GRIP1: variants seen among roughly 807,000 people sequenced by gnomAD.
The protein encoded by GRIP1 is glutamate receptor-interacting protein 1.
In GRIP1, 45 loss-of-function variants were observed where a neutral mutation model predicts 129.9. The observed-to-expected ratio is 0.35, with a 90% CI of 0.27 to 0.44. The LOEUF (loss-of-function observed/expected upper bound fraction) is 0.44, where lower values mean the gene tolerates loss of function less well. Among genes scored for constraint, GRIP1 ranks in the 20% least tolerant of loss-of-function variants. The probability of loss-of-function intolerance (pLI) is 1.00; values close to 1 mark genes in which losing one functional copy is unlikely to be tolerated. For missense variants in GRIP1, 1,196 were observed against 1,396.8 expected, an observed-to-expected ratio of 0.86 and a Z score of 2.29; for synonymous variants, 530 against 520.8, an observed-to-expected ratio of 1.02 and a Z score of -0.24.
At chr12:66,768,379 CA>C (rs2037711573) in intron 1 of GRIP1, among the ~76,000 whole-genome samples, 1 of 152,232 alleles carries the variant, frequency 6.6e-6, no homozygotes, top group South Asian at 2.1e-4. Flanking sequence ...CATACAAACA[CA>C]TGCAGCTGGA....
At chr12:66,490,467 CA>C (rs2138663084) in intron 7 of GRIP1, among the ~76,000 whole-genome samples, 1 of 152,216 alleles carries the variant, frequency 6.6e-6, no homozygotes, top group East Asian at 1.9e-4. Context: ...ACACCTTATA[CA>C]AAAATTAACT....
intron 10 of GRIP1, 148 bp from the exon 11 acceptor site, chr12:66,455,712 G>C: frequency 8.2e-6 from 6 of 729,700 alleles, no homozygotes; most frequent in South Asian, 4.4e-5. Flanking sequence ...CAGCTCTCAG[G>C]AGCATGAGAC....
intron 1 of GRIP1, among the ~76,000 whole-genome samples, chr12:66,785,600 G>T (rs80160556): frequency 6.6e-6 from 1 of 151,768 alleles, no homozygotes; most frequent in African/African-American, 2.4e-5. Flanking sequence ...TATTTAAGTA[G>T]AATATACTTA....
At chr12:66,917,223 C>T (rs543807458) in intron 1 of GRIP1, among the ~76,000 whole-genome samples, 2 of 152,234 alleles carry the variant, frequency 1.3e-5, no homozygotes, top group South Asian at 2.1e-4. Context: ...CAGCATAGCC[C>T]TAATTTAAAA....
chr12:66,687,236 A>T (rs949165309), intron 1 of GRIP1, among the ~76,000 whole-genome samples: 2 of 152,194 alleles, frequency 1.3e-5, no homozygotes, highest in Admixed American at 1.3e-4. Context: ...AAGTGGAAAT[A>T]CTCTGTCACC....
At chr12:66,723,051 A>C (rs941699063) in intron 1 of GRIP1, among the ~76,000 whole-genome samples, 1 of 151,252 alleles carries the variant, frequency 6.6e-6, no homozygotes, top group Non-Finnish European at 1.5e-5. Flanking sequence ...TATTCACCCT[A>C]TACTGATCCA....
chr12:66,522,922 A>G (rs894365095), intron 5 of GRIP1, among the ~76,000 whole-genome samples: 2 of 152,162 alleles, frequency 1.3e-5, no homozygotes, highest in African/African-American at 2.4e-5. Context: ...TGGAAGAAAG[A>G]GTATCAGTGA....
intron 1 of GRIP1, among the ~76,000 whole-genome samples, chr12:66,671,440 A>G (rs1342392636): frequency 3.3e-5 from 5 of 152,034 alleles, no homozygotes; most frequent in African/African-American, 1.2e-4. Context: ...TCCTTTTAAA[A>G]AATGCTCAGA....
Position 66,722,503 on chromosome 12 carries a change from A to G in GRIP1, c.-420+81550T>C, listed in dbSNP as rs564160695. Among the ~76,000 whole-genome samples the G allele has an allele frequency of 4.6e-5, 7 of 152,318 alleles. No homozygotes were observed. In the South Asian group the frequency reaches 1.4e-3, roughly 32 times the overall value. ...GATCAAAGATCACTAACCACAGATC[A>G]CCATAACAGATATAATAATAAAGTG... On this transcript the variant is annotated intron_variant, in intron 1 of 4. Coordinates refer to the GRIP1 transcript ENST00000538373.
chr12:66,432,626 A>T lies in GRIP1; in HGVS notation c.1690T>A (p.Ser564Thr). 1.3e-6 allele frequency: 2 copies of T among 1,578,406 alleles called. No homozygotes were observed. Among genetic ancestry groups the T allele is most frequent in the Non-Finnish European group, 1.7e-6 (2 of 1,148,576 alleles). The change falls in exon 14 of 25, where the codon TCT becomes ACT. Residue 564 changes from serine (S) to threonine (T), a missense_variant and splice_region_variant. Ser to Thr is a moderately conservative substitution (Grantham distance 58). This residue lies in a region of GRIP1 where 508 missense variants were observed against 587.0 expected (regional missense o/e 0.87). Transcript: ENST00000359742. ...TLEIEFDVAE[S>T]VIPSSGTFHV... ...AATGTTCCACTACTTGGGATGACAG[A>T]CTCTAATATCAAAACAAAAAAGAAT...
Position 66,541,933 on chromosome 12 carries a change from T to C in GRIP1, c.154A>G (p.Thr52Ala), listed in dbSNP as rs754322275. 4.3e-6 allele frequency: 7 copies of C among 1,614,028 alleles called. No homozygotes were observed. The highest frequency in any genetic ancestry group is 5.9e-6 in the Non-Finnish European group (7 of 1,179,866). Residue 52 changes from threonine to alanine, a missense_variant, in exon 3 of 25, where the codon ACA becomes GCA. Physicochemically the swap from Thr to Ala is moderately conservative, Grantham distance 58. Transcript: ENST00000359742. The stretch of plus-strand genomic sequence containing the variant: ...TCCTTCTTCATCAGCTCGACGACTG[T>C]GGAGCCCTTGAATTCCTCTGTTAAA... ...QSIPEEFKGS[T>A]VVELMKKEGT... is the part of the protein sequence containing the mutation.
intron 1 of GRIP1, among the ~76,000 whole-genome samples, chr12:67,041,769 A>T (rs1391913881): frequency 2.0e-5 from 3 of 148,814 alleles, no homozygotes; most frequent in Admixed American, 2.0e-4. Flanking sequence ...AAGCCACAGG[A>T]CAAAAAAAAA....
chr12:66,933,110 T>C (rs565005115), intron 1 of GRIP1, among the ~76,000 whole-genome samples: 8 of 152,380 alleles, frequency 5.3e-5, no homozygotes, highest in African/African-American at 1.4e-4. Flanking sequence ...ATACTGGACT[T>C]ACTGGCTGAG....
chr12:66,747,549 G>A (rs545760176), intron 1 of GRIP1, among the ~76,000 whole-genome samples: 1 of 152,024 alleles, frequency 6.6e-6, no homozygotes, highest in Non-Finnish European at 1.5e-5. Flanking sequence ...GGATTAAAAA[G>A]GAATTTTATT....
intron 2 of GRIP1, among the ~76,000 whole-genome samples, chr12:66,579,246 A>G (rs1399332443): frequency 6.6e-6 from 1 of 152,178 alleles, no homozygotes. Context: ...CATCCACACC[A>G]AAAACCCATC....
Position 66,465,432 on chromosome 12 carries a change from A to G in GRIP1, c.725-10T>C. On this transcript the variant is annotated splice_polypyrimidine_tract_variant and intron_variant, in intron 7 of 24. Coordinates refer to ENST00000359742, the MANE Select transcript of GRIP1 (RefSeq NM_001366722.1). Reference sequence around the variant, plus strand: ...GCTGTTGCCACAGAGTCTGTCAAAGAACAAATTTTAGAAAACAAAACAAAT... The same window carrying G: ...GCTGTTGCCACAGAGTCTGTCAAAGGACAAATTTTAGAAAACAAAACAAAT... 2 of 1,611,708 alleles carry G rather than the reference A, an allele frequency of 1.2e-6. No individual in the cohort carries two copies. The highest frequency in any genetic ancestry group is 1.7e-6 in the Non-Finnish European group (2 of 1,177,854).
At chr12:66,918,633 C>A (rs1454350042) in intron 1 of GRIP1, among the ~76,000 whole-genome samples, 2 of 152,078 alleles carry the variant, frequency 1.3e-5, no homozygotes, top group Admixed American at 1.3e-4. Flanking sequence ...TTCAAAAAAA[C>A]CATATCAACA....
At chr12:66,582,804 T>C (rs1006815867) in intron 2 of GRIP1, among the ~76,000 whole-genome samples, 1 of 145,806 alleles carries the variant, frequency 6.9e-6, no homozygotes, top group Admixed American at 6.9e-5. Flanking sequence ...GTAGGAAGAA[T>C]CAATATCGTG....
At chr12:66,662,217 T>C (rs1177488744) in intron 1 of GRIP1, among the ~76,000 whole-genome samples, 1 of 146,824 alleles carries the variant, frequency 6.8e-6, no homozygotes, top group Non-Finnish European at 1.5e-5. Context: ...CCTCTAACTG[T>C]GGCTAATATC....
Sources: gnomAD v4.1 joint callset for allele counts (sites outside exome capture counted in the v4.1 genomes callset) on GRCh38, gnomAD v4.1.1 for gene constraint, gnomAD v4.1.1 regional missense constraint, MANE v1.5 for transcripts, NCBI Gene and HGNC (gene_info 2026-07-23, HGNC 2026-07-21) for gene names.